DSCAM: variants seen among roughly 807,000 people sequenced by gnomAD.
DSCAM encodes the protein cell adhesion molecule DSCAM.
A neutral mutation model predicts 217.7 loss-of-function variants in DSCAM; 47 were observed. The ratio of observed to expected loss-of-function variants is 0.22; its 90% confidence interval spans 0.17 to 0.28. The LOEUF (loss-of-function observed/expected upper bound fraction) is 0.28, where lower values mean the gene tolerates loss of function less well. Ranked by LOEUF, DSCAM falls within the 10% of genes least tolerant of loss-of-function variation. DSCAM has a pLI of 1.00. For missense variants in DSCAM, 2,080 were observed against 2,618.3 expected, an observed-to-expected ratio of 0.79 and a Z score of 4.49; for synonymous variants, 1,056 against 1,015.3, an observed-to-expected ratio of 1.04 and a Z score of -0.76.
intron 27 of DSCAM, among the ~76,000 whole-genome samples, chr21:40,064,821 G>A (rs751546943): frequency 6.6e-6 from 1 of 152,202 alleles, no homozygotes; most frequent in South Asian, 2.1e-4. Context: ...CTAAGGAGAT[G>A]TGACTTTGTA....
At chr21:40,073,361 C>G (rs1177143209) in intron 27 of DSCAM, among the ~76,000 whole-genome samples, 1 of 152,164 alleles carries the variant, frequency 6.6e-6, no homozygotes, top group African/African-American at 2.4e-5. Flanking sequence ...ATCATACAGA[C>G]AATGTGCAGC....
chr21:40,563,925 G>A (rs1157544101), intron 3 of DSCAM, among the ~76,000 whole-genome samples: 2 of 152,026 alleles, frequency 1.3e-5, no homozygotes, highest in African/African-American at 2.4e-5. Flanking sequence ...AACAGAAAGA[G>A]CCTCCTATGA....
intron 26 of DSCAM, among the ~76,000 whole-genome samples, 196 bp from the exon 27 acceptor site, chr21:40,075,409 C>A (rs1295782594): frequency 6.6e-6 from 1 of 152,208 alleles, no homozygotes; most frequent in Non-Finnish European, 1.5e-5. Context: ...GAACTTCCAA[C>A]TTATTCTATA....
chr21:40,385,208 C>T (rs2075071339), intron 3 of DSCAM: 1 of 152,188 alleles, frequency 6.6e-6, no homozygotes, highest in Admixed American at 6.5e-5. Flanking sequence ...GAAAAACTCA[C>T]TTTTCCCATC....
intron 32 of DSCAM, among the ~76,000 whole-genome samples, chr21:40,035,439 G>A (rs1251917443): frequency 8.0e-6 from 1 of 124,828 alleles, no homozygotes; most frequent in East Asian, 2.1e-4. Context: ...TAATGGTAAA[G>A]GGATCAATTC....
intron 3 of DSCAM, among the ~76,000 whole-genome samples, chr21:40,659,446 TTC>T (rs1406670603): frequency 6.6e-6 from 1 of 152,138 alleles, no homozygotes; most frequent in South Asian, 2.1e-4. Context: ...CTCATATCTA[TTC>T]TGTTTTCTGT....
At chr21:40,313,886 C>T (rs905583567) in intron 8 of DSCAM, among the ~76,000 whole-genome samples, 6 of 152,010 alleles carry the variant, frequency 3.9e-5, no homozygotes, top group East Asian at 1.9e-4. Context: ...TATTATATTA[C>T]GAGTTTTTCC....
chr21:40,384,395 G>A (rs1285908256), intron 3 of DSCAM, among the ~76,000 whole-genome samples: 1 of 152,052 alleles, frequency 6.6e-6, no homozygotes, highest in Non-Finnish European at 1.5e-5. Flanking sequence ...ATCATCAGAG[G>A]TCAGGAGTTA....
intron 1 of DSCAM, among the ~76,000 whole-genome samples, chr21:40,716,852 G>C (rs1336069123): frequency 6.6e-6 from 1 of 152,110 alleles, no homozygotes; most frequent in African/African-American, 2.4e-5. Flanking sequence ...TCAGTCTGAA[G>C]GGTACTCTAG....
chr21:40,205,429 C>T (rs11702166), intron 11 of DSCAM, among the ~76,000 whole-genome samples: 1 of 151,414 alleles, frequency 6.6e-6, no homozygotes, highest in African/African-American at 2.4e-5. Context: ...ATGGCAAAAC[C>T]CCATCTCTAC....
At chr21:40,589,063 TTC>T (rs1375436839) in intron 3 of DSCAM, among the ~76,000 whole-genome samples, 6 of 152,316 alleles carry the variant, frequency 3.9e-5, no homozygotes, top group African/African-American at 1.2e-4. Context: ...CCCTCTCCAC[TTC>T]TCTGTCTTGT....
At chr21:40,844,540 TC>T (rs1268028952) in intron 1 of DSCAM, among the ~76,000 whole-genome samples, 2 of 152,258 alleles carry the variant, frequency 1.3e-5, no homozygotes, top group East Asian at 3.8e-4. Context: ...ATGGTGATTA[TC>T]AGTTGATTTT....
intron 1 of DSCAM, among the ~76,000 whole-genome samples, chr21:40,813,897 G>A (rs558301277): frequency 2.9e-4 from 44 of 152,020 alleles, no homozygotes; most frequent in African/African-American, 6.8e-4. Flanking sequence ...CACCCACCTC[G>A]GCCTCTCAAA....
chr21:40,516,971 CATAT>C (rs1451214634), intron 3 of DSCAM, among the ~76,000 whole-genome samples: 1 of 145,466 alleles, frequency 6.9e-6, no homozygotes, highest in East Asian at 2.0e-4. Context: ...TGTAAATATA[CATAT>C]ATTATATATA....
intron 3 of DSCAM, among the ~76,000 whole-genome samples, chr21:40,410,533 G>A (rs180700216): frequency 1.4e-4 from 22 of 151,804 alleles, no homozygotes; most frequent in African/African-American, 4.1e-4. Flanking sequence ...AATAAGTACC[G>A]TTAATATTAA....
At chr21:40,279,639 G>T (rs1282953239) in intron 10 of DSCAM, among the ~76,000 whole-genome samples, 1 of 152,138 alleles carries the variant, frequency 6.6e-6, no homozygotes, top group African/African-American at 2.4e-5. Flanking sequence ...ATACCCAAGG[G>T]ATTATAAATC....
intron 3 of DSCAM, among the ~76,000 whole-genome samples, chr21:40,431,439 G>A (rs573678544): frequency 1.7e-4 from 26 of 148,680 alleles, no homozygotes; most frequent in South Asian, 1.3e-3. Flanking sequence ...ATGTGAAGAC[G>A]ATGAGGACAA....
At chr21:40,339,792 C>CTT (rs1401975166) in intron 6 of DSCAM, among the ~76,000 whole-genome samples, 5 of 152,240 alleles carry the variant, frequency 3.3e-5, no homozygotes, top group Non-Finnish European at 7.3e-5. Flanking sequence ...CAAACAGTCA[C>CTT]TTTATCTGTT....
At chr21:40,134,232 A>T (rs1048761124) in intron 18 of DSCAM, among the ~76,000 whole-genome samples, 1 of 152,084 alleles carries the variant, frequency 6.6e-6, no homozygotes, top group Non-Finnish European at 1.5e-5. Flanking sequence ...CCAGAACACA[A>T]GGCAGAACGT....
Sources: gnomAD v4.1 joint callset for allele counts (sites outside exome capture counted in the v4.1 genomes callset) on GRCh38, gnomAD v4.1.1 for gene constraint, MANE v1.5 for transcripts, NCBI Gene and HGNC (gene_info 2026-07-23, HGNC 2026-07-21) for gene names.